IL1RAPL2: variants seen among roughly 807,000 people sequenced by gnomAD.
IL1RAPL2 encodes the protein interleukin 1 receptor accessory protein like 2, also known as X-linked interleukin-1 receptor accessory protein-like 2.
In IL1RAPL2, 3 loss-of-function variants were observed where a neutral mutation model predicts 44.1. That is an observed-to-expected ratio of 0.07 (90% CI 0.03 to 0.18). The LOEUF is 0.18. Ranked by LOEUF, IL1RAPL2 falls within the 10% of genes least tolerant of loss-of-function variation. The pLI is 1.00. For synonymous variants in IL1RAPL2, 181 were observed against 178.8 expected, an observed-to-expected ratio of 1.01 and a Z score of -0.10; for missense variants, 391 against 496.4, an observed-to-expected ratio of 0.79 and a Z score of 2.02.
At chrX:105,535,421 C>T (rs1022606052) in intron 6 of IL1RAPL2, among the ~76,000 whole-genome samples, 3 of 111,802 alleles carry the variant, frequency 2.7e-5, no homozygotes, top group African/African-American at 9.8e-5. Flanking sequence ...GTTAAACATA[C>T]ACTTGTCATA....
intron 2 of IL1RAPL2, among the ~76,000 whole-genome samples, chrX:104,815,562 G>T (rs912239181): frequency 2.7e-5 from 3 of 111,748 alleles, no homozygotes; most frequent in Admixed American, 1.9e-4. Context: ...AGAGACAAAT[G>T]GCTTGAGAGC....
intron 5 of IL1RAPL2, among the ~76,000 whole-genome samples, chrX:105,420,200 T>C (rs931807531): frequency 1.8e-5 from 2 of 111,425 alleles, no homozygotes; most frequent in South Asian, 7.6e-4. Flanking sequence ...TTTGAAAATA[T>C]AGTGTTAGGC....
At chrX:104,765,046 G>A (rs1224384151) in intron 2 of IL1RAPL2, among the ~76,000 whole-genome samples, 2 of 111,880 alleles carry the variant, frequency 1.8e-5, no homozygotes, top group Non-Finnish European at 3.8e-5. Context: ...TTTGGTATCA[G>A]GGTAATAATG....
At chrX:105,761,970 C>G (rs1286654574) in intron 10 of IL1RAPL2, among the ~76,000 whole-genome samples, 2 of 111,760 alleles carry the variant, frequency 1.8e-5, no homozygotes, top group Admixed American at 9.5e-5. Flanking sequence ...CATAGAAATT[C>G]ATGAATATAG....
intron 2 of IL1RAPL2, among the ~76,000 whole-genome samples, chrX:105,062,316 A>G (rs768705056): frequency 1.8e-5 from 2 of 112,169 alleles, no homozygotes; most frequent in Admixed American, 9.4e-5. Flanking sequence ...GAAAAGTTCT[A>G]TAAACTCTAC....
intron 6 of IL1RAPL2, among the ~76,000 whole-genome samples, chrX:105,643,562 T>C (rs1385904928): frequency 8.9e-6 from 1 of 112,274 alleles, no homozygotes; most frequent in Non-Finnish European, 1.9e-5. Context: ...TGGATCATGC[T>C]TTTGGCCCTC....
At chrX:104,988,200 A>G (rs2030597533) in intron 2 of IL1RAPL2, among the ~76,000 whole-genome samples, 1 of 112,307 alleles carries the variant, frequency 8.9e-6, no homozygotes, top group African/African-American at 3.2e-5. Flanking sequence ...TCACTGTCAC[A>G]TCAACTCAGC....
chrX:104,893,781 T>A (rs181056444), intron 2 of IL1RAPL2, among the ~76,000 whole-genome samples: 1 of 111,818 alleles, frequency 8.9e-6, no homozygotes, highest in Non-Finnish European at 1.9e-5. Context: ...ATTTAGCCCA[T>A]TTACGTTTAA....
At position 104,955,790 on chromosome X, in the gene IL1RAPL2, G is replaced by A. The variant is rs758313392; in HGVS notation, c.83-239685G>A. On this transcript the variant is annotated intron_variant, in intron 2 of 10. Transcript: ENST00000372582. ...CAAAGAGTTAAACTTGGATTCAACCGCTTCTATAGCTCATCCACTGAGAGT... is the reference window on the plus strand; with the variant it reads ...CAAAGAGTTAAACTTGGATTCAACCACTTCTATAGCTCATCCACTGAGAGT... 1.5e-3 allele frequency among the ~76,000 whole-genome samples: 170 copies of A among 110,780 alleles called. 1 individual carries two copies. Among genetic ancestry groups the A allele is most frequent in the African/African-American group, 4.9e-3 (149 of 30,534 alleles).
At chrX:104,730,356 A>C (rs1931880252) in intron 2 of IL1RAPL2, among the ~76,000 whole-genome samples, 1 of 83,953 alleles carries the variant, frequency 1.2e-5, no homozygotes, top group Admixed American at 1.3e-4. Context: ...TGTATCTCCT[A>C]ATGCTATCCC....
At chrX:105,074,782 T>G (rs1378829799) in intron 2 of IL1RAPL2, among the ~76,000 whole-genome samples, 1 of 108,875 alleles carries the variant, frequency 9.2e-6, no homozygotes, top group East Asian at 2.9e-4. Context: ...GATTCCTAGG[T>G]ATTTTATTCT....
In IL1RAPL2 at chrX:105,645,835, G is replaced by A. The variant is rs760740284; in HGVS notation, c.773-71532G>A. 5.4e-5 allele frequency among the ~76,000 whole-genome samples: 6 copies of A among 111,798 alleles called. No homozygotes were observed. In the East Asian group the frequency reaches 1.7e-3, roughly 32 times the overall value. The stretch of plus-strand genomic sequence containing the variant: ...CATGTGAATTATTATGTCTGCGGTC[G>A]CTGGCATGGGTAATCTGTGGCCTTG... On this transcript the variant is annotated intron_variant, in intron 6 of 10. Coordinates refer to ENST00000372582, the MANE Select transcript of IL1RAPL2 (RefSeq NM_017416.2).
intron 2 of IL1RAPL2, among the ~76,000 whole-genome samples, chrX:104,881,466 A>G (rs1167491363): frequency 8.9e-6 from 1 of 112,364 alleles, no homozygotes; most frequent in Non-Finnish European, 1.9e-5. Flanking sequence ...TATTGAATTA[A>G]TGTTGTAATA....
At chrX:105,061,692 T>G (rs1236368634) in intron 2 of IL1RAPL2, among the ~76,000 whole-genome samples, 1 of 112,017 alleles carries the variant, frequency 8.9e-6, no homozygotes, top group Non-Finnish European at 1.9e-5. Context: ...TCTTCAGCTC[T>G]AATATTTGCT....
intron 5 of IL1RAPL2, among the ~76,000 whole-genome samples, chrX:105,351,932 C>G (rs748145826): frequency 1.8e-5 from 2 of 110,953 alleles, no homozygotes; most frequent in Non-Finnish European, 3.8e-5. Context: ...CGTCCCCCAT[C>G]CCCCACTTTT....
intron 5 of IL1RAPL2, among the ~76,000 whole-genome samples, chrX:105,443,886 A>T (rs746752399): frequency 2.7e-5 from 3 of 111,590 alleles, no homozygotes; most frequent in African/African-American, 9.8e-5. Context: ...TCATATGGTA[A>T]TTCTATTTTT....
chrX:105,653,894 T>C (rs1390408889), intron 6 of IL1RAPL2, among the ~76,000 whole-genome samples: 1 of 111,076 alleles, frequency 9.0e-6, no homozygotes, highest in Non-Finnish European at 1.9e-5. Flanking sequence ...CTTTATAAAC[T>C]GGTTTTGAGT....
At position 105,052,905 on chromosome X, in the gene IL1RAPL2, G is replaced by T. The variant is rs896484207; in HGVS notation, c.83-142570G>T. On this transcript the variant is annotated intron_variant, in intron 2 of 10. Transcript: ENST00000372582. Reference sequence around the variant, plus strand: ...CCCACCTACCGAATTGCCCCAGTGTGTTGTTCCCCTCTCTGTGTCCAAGTG... The same window carrying T: ...CCCACCTACCGAATTGCCCCAGTGTTTTGTTCCCCTCTCTGTGTCCAAGTG... 6.3e-5 allele frequency among the ~76,000 whole-genome samples: 7 copies of T among 110,596 alleles called. No individual in the cohort carries two copies. In the South Asian group the frequency reaches 2.7e-3, roughly 43 times the overall value.
chrX:104,832,354 A>G (rs1473879666), intron 2 of IL1RAPL2, among the ~76,000 whole-genome samples: 2 of 111,527 alleles, frequency 1.8e-5, no homozygotes, highest in Admixed American at 1.9e-4. Context: ...AAAAGTAGCT[A>G]ATATCTGATA....
Sources: gnomAD v4.1 joint callset for allele counts (sites outside exome capture counted in the v4.1 genomes callset) on GRCh38, gnomAD v4.1.1 for gene constraint, MANE v1.5 for transcripts, NCBI Gene and HGNC (gene_info 2026-07-23, HGNC 2026-07-21) for gene names.